Variants in TMEM165 observed in about 807,000 individuals in gnomAD.
The protein encoded by TMEM165 is transmembrane protein 165.
A neutral mutation model predicts 30.0 loss-of-function variants in TMEM165; 19 were observed. That is an observed-to-expected ratio of 0.63 (90% confidence interval 0.44 to 0.93). The LOEUF (loss-of-function observed/expected upper bound fraction) is 0.93. Among genes scored for constraint, TMEM165 ranks in the 40% least tolerant of loss-of-function variants. The pLI is 0.00. For missense variants in TMEM165, 340 were observed against 417.0 expected (o/e 0.82, Z 1.61); for synonymous variants, 168 against 162.9 (o/e 1.03, Z -0.24).
At chr4:55,444,751 T>C in intron 3 of TMEM165, 1 of 1,614,112 alleles carries the variant, frequency 6.2e-7, no homozygotes, top group Non-Finnish European at 8.5e-7. Flanking sequence ...GTCTTTCAGA[T>C]GTTGCATGGC....
At chr4:55,409,658 G>A (rs558355135) in intron 1 of TMEM165, among the ~76,000 whole-genome samples, 19 of 152,214 alleles carry the variant, frequency 1.2e-4, no homozygotes, top group African/African-American at 3.9e-4. Context: ...AAAAATGTCC[G>A]CAAGCATTGT....
intron 3 of TMEM165, among the ~76,000 whole-genome samples, chr4:55,437,928 A>G (rs1723019556): frequency 2.0e-5 from 3 of 152,212 alleles, no homozygotes; most frequent in Non-Finnish European, 2.9e-5. Flanking sequence ...CCTGCTCTGT[A>G]CAGAGCAGAG....
At chr4:55,453,214 G>A (rs150434882) in exon 4 of TMEM165, 19 of 1,084,860 alleles carry the variant, frequency 1.8e-5, no homozygotes, top group East Asian at 4.9e-5. Context: ...GTGTTGTTAC[G>A]TGTCTCATCT....
At chr4:55,438,710 A>G (rs1448329587) in intron 3 of TMEM165, among the ~76,000 whole-genome samples, 1 of 152,234 alleles carries the variant, frequency 6.6e-6, no homozygotes, top group African/African-American at 2.4e-5. Context: ...TTGGTGTAAC[A>G]GTAAAACAAA....
In TMEM165 at chr4:55,448,888, A is replaced by T. The variant is rs1724175898; in HGVS notation, c.409-3351A>T. 1.9e-6 allele frequency: 3 copies of T among 1,558,770 alleles called. No homozygotes were observed. In the South Asian group the frequency reaches 3.3e-5, roughly 17 times the overall value. ...TATGGACTAGAGCAAAATAAAAAAT[A>T]ACACTGAAGTGATTCTCATTCCCAT... On this transcript the variant is annotated intron_variant, in intron 3 of 3. Coordinates refer to the TMEM165 transcript ENST00000608091.
At chr4:55,440,528 G>C (rs1161620466) in intron 3 of TMEM165, among the ~76,000 whole-genome samples, 1 of 152,086 alleles carries the variant, frequency 6.6e-6, no homozygotes, top group African/African-American at 2.4e-5. Context: ...ATTACACTTA[G>C]TACAGATCTT....
intron 4 of TMEM165, among the ~76,000 whole-genome samples, chr4:55,420,621 G>A (rs1412604108): frequency 2.6e-5 from 4 of 152,102 alleles, no homozygotes; most frequent in Non-Finnish European, 5.9e-5. Context: ...TATTTAATGA[G>A]CTCTTAAATG....
At chr4:55,421,228 T>G (rs1199642269) in intron 4 of TMEM165, among the ~76,000 whole-genome samples, 5 of 150,168 alleles carry the variant, frequency 3.3e-5, no homozygotes, top group Non-Finnish European at 7.4e-5. Context: ...AAGTCCTATA[T>G]TAAAGGAACT....
intron 1 of TMEM165, chr4:55,397,453 G>GCT (rs1380881329): frequency 1.3e-5 from 2 of 151,398 alleles, no homozygotes; most frequent in African/African-American, 4.9e-5. Flanking sequence ...CAGGCTTTGT[G>GCT]CTCTCTTGCC....
chr4:55,441,540 C>CT (rs1723367002), intron 3 of TMEM165, among the ~76,000 whole-genome samples: 3 of 152,280 alleles, frequency 2.0e-5, no homozygotes, highest in Admixed American at 2.0e-4. Context: ...CCATGGCCTA[C>CT]TACTCAGCCA....
chr4:55,417,561 A>T (rs1043520870), intron 3 of TMEM165: 5 of 547,924 alleles, frequency 9.1e-6, no homozygotes, highest in Non-Finnish European at 1.6e-5. Context: ...CTAGGATAGT[A>T]AGTGAGCAGA....
At chr4:55,435,207 C>T in intron 3 of TMEM165, 1 of 603,214 alleles carries the variant, frequency 1.7e-6, no homozygotes, top group Non-Finnish European at 3.0e-6. Flanking sequence ...TGGCTATGCC[C>T]CTATGATCAC....
chr4:55,444,786 C>T (rs1723661156), intron 3 of TMEM165: 1 of 1,613,742 alleles, frequency 6.2e-7, no homozygotes, highest in Non-Finnish European at 8.5e-7. Flanking sequence ...AAAACTGAAA[C>T]TGAAGTACCA....
chr4:55,450,612 A>C (rs1259039073), intron 3 of TMEM165, among the ~76,000 whole-genome samples: 1 of 152,160 alleles, frequency 6.6e-6, no homozygotes, highest in African/African-American at 2.4e-5. Context: ...TACCAAAAAT[A>C]CAAAATTTAG....
At chr4:55,413,125 T>G (rs761585744) in intron 2 of TMEM165, among the ~76,000 whole-genome samples, 22 of 149,822 alleles carry the variant, frequency 1.5e-4, no homozygotes, top group Non-Finnish European at 3.0e-4. Flanking sequence ...GACCATAGGC[T>G]CATGCCACCA....
intron 1 of TMEM165, among the ~76,000 whole-genome samples, chr4:55,405,389 A>G (rs748801321): frequency 1.6e-4 from 24 of 152,160 alleles, no homozygotes; most frequent in African/African-American, 5.1e-4. Context: ...AAGGCTGTCA[A>G]CCTTGAGGCT....
At chr4:55,408,760 A>C (rs1721372861) in intron 1 of TMEM165, among the ~76,000 whole-genome samples, 1 of 152,236 alleles carries the variant, frequency 6.6e-6, no homozygotes, top group African/African-American at 2.4e-5. Context: ...TGATTTAAAA[A>C]GTAAACATTT....
intron 1 of TMEM165, among the ~76,000 whole-genome samples, chr4:55,400,834 A>G (rs1158298257): frequency 6.6e-6 from 1 of 150,574 alleles, no homozygotes; most frequent in Non-Finnish European, 1.5e-5. Flanking sequence ...TGTTTTCTAA[A>G]CTATGTAATA....
At chr4:55,414,495 G>A (rs1043580952) in intron 2 of TMEM165, among the ~76,000 whole-genome samples, 5 of 151,658 alleles carry the variant, frequency 3.3e-5, no homozygotes, top group African/African-American at 1.2e-4. Flanking sequence ...GTGCAGGTTT[G>A]TTACACAGGT....
Sources: gnomAD v4.1 joint callset for allele counts (sites outside exome capture counted in the v4.1 genomes callset) on GRCh38, gnomAD v4.1.1 for gene constraint, MANE v1.5 for transcripts, NCBI Gene and HGNC (gene_info 2026-07-23, HGNC 2026-07-21) for gene names.